Variants in RCAN2 observed in about 807,000 individuals in gnomAD.
RCAN2 encodes calcipressin-2.
RCAN2 carries 9 observed loss-of-function variants against 23.6 expected under a neutral mutation model. The observed-to-expected ratio is 0.38, with a 90% CI of 0.23 to 0.67. RCAN2 has a LOEUF of 0.67. Among genes scored for constraint, RCAN2 ranks in the 30% least tolerant of loss-of-function variants. The pLI is 0.51. For synonymous variants in RCAN2, 109 were observed against 115.7 expected (o/e 0.94, Z 0.37); for missense variants, 273 against 302.3 (o/e 0.90, Z 0.72).
intron 2 of RCAN2, among the ~76,000 whole-genome samples, chr6:46,443,797 A>G (rs145019541): frequency 1.0e-3 from 154 of 152,276 alleles, no homozygotes; most frequent in African/African-American, 3.5e-3. Context: ...ATTCTTCTAC[A>G]TGGAAGTTTG....
chr6:46,452,218 G>A (rs1767901726), intron 2 of RCAN2, among the ~76,000 whole-genome samples: 1 of 152,114 alleles, frequency 6.6e-6, no homozygotes, highest in Non-Finnish European at 1.5e-5. Context: ...TTTGAATCCT[G>A]CCTTGGCCAC....
At chr6:46,413,476 G>C (rs902113603) in intron 2 of RCAN2, among the ~76,000 whole-genome samples, 1 of 152,178 alleles carries the variant, frequency 6.6e-6, no homozygotes, top group African/African-American at 2.4e-5. Context: ...TTGTGGATTA[G>C]CTCACTTGGA....
At chr6:46,391,049 T>A (rs1765918558) in intron 2 of RCAN2, among the ~76,000 whole-genome samples, 1 of 151,804 alleles carries the variant, frequency 6.6e-6, no homozygotes, top group South Asian at 2.1e-4. Flanking sequence ...AGGGGAGAGG[T>A]GTATTCTGAG....
rs528975224 is a variant in RCAN2, at chr6:46,280,930, T to C, written c.226-32034A>G. Among the ~76,000 whole-genome samples the C allele has an allele frequency of 8.5e-5, 13 of 152,244 alleles. No individual in the cohort carries two copies. In the East Asian group the frequency reaches 2.1e-3, roughly 25 times the overall value. ...ATTTTACTGAGGAACAGAGATGTCA[T>C]CTTTTCCCTAAATCAATCATTTCCA... On this transcript the variant is annotated intron_variant, in intron 2 of 4. Transcript: ENST00000371374.
At chr6:46,256,974 G>A (rs141272904) in intron 2 of RCAN2, among the ~76,000 whole-genome samples, 1 of 152,278 alleles carries the variant, frequency 6.6e-6, no homozygotes, top group African/African-American at 2.4e-5. Context: ...ATGGAATAAA[G>A]ATGGGCCTGA....
At chr6:46,419,307 T>C (rs1306912414) in intron 2 of RCAN2, among the ~76,000 whole-genome samples, 1 of 152,154 alleles carries the variant, frequency 6.6e-6, no homozygotes, top group East Asian at 1.9e-4. Flanking sequence ...ACAACCTTTT[T>C]TCAAACAGGC....
chr6:46,448,239 T>C (rs943776840), intron 2 of RCAN2, among the ~76,000 whole-genome samples: 2 of 151,588 alleles, frequency 1.3e-5, no homozygotes, highest in Non-Finnish European at 1.5e-5. Context: ...TTAGAAGAAA[T>C]GGATAAATTC....
intron 4 of RCAN2, among the ~76,000 whole-genome samples, chr6:46,233,728 T>C (rs563356872): frequency 4.2e-4 from 64 of 151,726 alleles, no homozygotes; most frequent in Non-Finnish European, 5.8e-4. Flanking sequence ...CTTCTTTTTT[T>C]TTTTTTTTTT....
At chr6:46,361,769 G>C (rs1201211267) in intron 2 of RCAN2, among the ~76,000 whole-genome samples, 1 of 152,104 alleles carries the variant, frequency 6.6e-6, no homozygotes, top group Non-Finnish European at 1.5e-5. Context: ...TGCTATTATG[G>C]AGTCACTGCT....
At chr6:46,341,595 G>A (rs551975717) in intron 2 of RCAN2, among the ~76,000 whole-genome samples, 5 of 152,146 alleles carry the variant, frequency 3.3e-5, no homozygotes, top group African/African-American at 1.2e-4. Context: ...TCAGGAGTTT[G>A]AGACCAGCCT....
intron 1 of RCAN2, among the ~76,000 whole-genome samples, chr6:46,479,335 A>G (rs942268254): frequency 6.6e-6 from 1 of 152,198 alleles, no homozygotes; most frequent in African/African-American, 2.4e-5. Context: ...ATACATACAA[A>G]CATAAAAATT....
chr6:46,224,695 T>C (rs1444688714), intron 4 of RCAN2, among the ~76,000 whole-genome samples: 1 of 152,212 alleles, frequency 6.6e-6, no homozygotes, highest in African/African-American at 2.4e-5. Flanking sequence ...GGAGCAAGTA[T>C]TGTCAGTTCC....
chr6:46,261,668 T>C (rs1403267644), intron 2 of RCAN2, among the ~76,000 whole-genome samples: 2 of 152,204 alleles, frequency 1.3e-5, no homozygotes, highest in African/African-American at 4.8e-5. Context: ...TCTTCAAAGA[T>C]TGTAAAGACC....
At chr6:46,489,589 A>C (rs1769084858) in intron 1 of RCAN2, among the ~76,000 whole-genome samples, 1 of 152,256 alleles carries the variant, frequency 6.6e-6, no homozygotes, top group African/African-American at 2.4e-5. Flanking sequence ...GTGCACTTAC[A>C]AATGAGAAAG....
intron 2 of RCAN2, among the ~76,000 whole-genome samples, chr6:46,418,691 GTGTGTATATATATA>G: frequency 9.4e-6 from 1 of 106,364 alleles, no homozygotes; most frequent in Non-Finnish European, 1.9e-5. Context: ...AAATATGTGT[GTGTGTATATATATA>G]TATATATATA....
chr6:46,468,711 A>G, intron 1 of RCAN2: 1 of 582,306 alleles, frequency 1.7e-6, no homozygotes, highest in Non-Finnish European at 2.2e-6. Context: ...GACAAATGGA[A>G]TGTAATACCC....
At chr6:46,277,194 T>C (rs944700909) in intron 2 of RCAN2, among the ~76,000 whole-genome samples, 2 of 152,266 alleles carry the variant, frequency 1.3e-5, no homozygotes, top group Admixed American at 6.5e-5. Flanking sequence ...GTTGGTTTTC[T>C]ATTTGTACAT....
intron 2 of RCAN2, among the ~76,000 whole-genome samples, chr6:46,384,605 C>G (rs553049569): frequency 6.6e-6 from 1 of 152,298 alleles, no homozygotes; most frequent in East Asian, 1.9e-4. Flanking sequence ...TCTCAGCCAA[C>G]AACAGATGGA....
chr6:46,258,198 G>C (rs1766983701), intron 2 of RCAN2, among the ~76,000 whole-genome samples: 1 of 152,172 alleles, frequency 6.6e-6, no homozygotes, highest in South Asian at 2.1e-4. Flanking sequence ...ACTATTGACA[G>C]GCCATGGGCA....
Sources: gnomAD v4.1 joint callset for allele counts (sites outside exome capture counted in the v4.1 genomes callset) on GRCh38, gnomAD v4.1.1 for gene constraint, MANE v1.5 for transcripts, NCBI Gene and HGNC (gene_info 2026-07-23, HGNC 2026-07-21) for gene names.